AP3B2: variants seen among roughly 807,000 people sequenced by gnomAD.
AP3B2 encodes the protein adaptor related protein complex 3 subunit beta 2, also known as AP-3 complex subunit beta-2.
Under a neutral mutation model 126.9 loss-of-function variants are expected in AP3B2, and 50 were observed. The ratio of observed to expected loss-of-function variants is 0.39; its 90% CI spans 0.31 to 0.50. The LOEUF (loss-of-function observed/expected upper bound fraction) is 0.50. Ranked by LOEUF, AP3B2 falls within the 20% of genes least tolerant of loss-of-function variation. The probability of loss-of-function intolerance (pLI) is 0.79; values close to 1 mark genes in which losing one functional copy is unlikely to be tolerated. For synonymous variants in AP3B2, 541 were observed against 565.0 expected (o/e 0.96, Z 0.60); for missense variants, 1,177 against 1,426.4 (o/e 0.83, Z 2.82).
intron 23 of AP3B2, chr15:82,662,489 T>G (rs2151427383): frequency 1.5e-6 from 1 of 663,602 alleles, no homozygotes; most frequent in East Asian, 2.7e-5. Flanking sequence ...GGCCCAAATC[T>G]GCTGCTGCAA....
chr15:82,667,936 C>G (rs576333031), intron 14 of AP3B2, among the ~76,000 whole-genome samples: 1 of 152,220 alleles, frequency 6.6e-6, no homozygotes, highest in African/African-American at 2.4e-5. Flanking sequence ...TGACCAAGAT[C>G]AAAACCACCA....
At chr15:82,675,603 C>G (rs1172218044) in intron 14 of AP3B2, among the ~76,000 whole-genome samples, 3 of 152,206 alleles carry the variant, frequency 2.0e-5, no homozygotes, top group Non-Finnish European at 4.4e-5. Context: ...CAGAGAATAA[C>G]TATTCTAGGC....
intron 4 of AP3B2, chr15:82,688,128 A>C: frequency 6.6e-6 from 2 of 301,042 alleles, no homozygotes. Context: ...AAATAAAGGT[A>C]TGCAAAAATA....
chr15:82,688,994 C>T, intron 3 of AP3B2, 163 bp from the exon 4 acceptor site: 1 of 1,010,400 alleles, frequency 9.9e-7, no homozygotes, highest in Non-Finnish European at 1.5e-6. Context: ...TTACCTTGAT[C>T]CACATCCAGT....
At chr15:82,675,402 C>T (rs1403634595) in intron 14 of AP3B2, among the ~76,000 whole-genome samples, 3 of 152,214 alleles carry the variant, frequency 2.0e-5, no homozygotes, top group Non-Finnish European at 4.4e-5. Flanking sequence ...CTCTGGGGCT[C>T]ACTCTGGCCA....
chr15:82,691,751 T>G (rs2048537708), intron 1 of AP3B2: 1 of 1,583,794 alleles, frequency 6.3e-7, no homozygotes, highest in Non-Finnish European at 8.6e-7. Context: ...AGAGAAGTGG[T>G]GTGGGGAACC....
intron 4 of AP3B2, among the ~76,000 whole-genome samples, chr15:82,682,571 C>G (rs992347899): frequency 1.3e-5 from 2 of 151,882 alleles, no homozygotes; most frequent in African/African-American, 4.8e-5. Flanking sequence ...TTTTTGTTTC[C>G]TGGTGCATAC....
At chr15:82,691,852 G>T in intron 1 of AP3B2, 1 of 1,316,684 alleles carries the variant, frequency 7.6e-7, no homozygotes, top group Non-Finnish European at 1.1e-6. Context: ...AAACTCAGAT[G>T]TAGGAAGTTT....
rs1555465021 is a variant in AP3B2 at position 82,665,433 on chromosome 15, A to ACACACACACACACT, written c.1971+23_1971+24insAGTGTGTGTGTGTG. 1 of 1,435,442 alleles carries ACACACACACACACT rather than the reference A, an allele frequency of 7.0e-7. No homozygotes were observed. The highest frequency in any genetic ancestry group is 1.6e-5 in the African/African-American group (1 of 60,890). 88.9% of individuals were successfully genotyped at this position (1,435,442 alleles called of 1,614,324 possible). A position where few individuals can be genotyped will look rare whatever the true frequency, so the allele number is the denominator to read the frequency against. On this transcript the variant is annotated intron_variant, in intron 16 of 26. Coordinates refer to ENST00000535359, the MANE Select transcript of AP3B2 (RefSeq NM_001278512.2). The surrounding 1 kb of genome is among the most constrained non-coding windows in gnomAD (Gnocchi z 4.4). ...CACACACACACACACACACACACAC[A>ACACACACACACACT]CTTCAACCCTCCACCCCGCTGACCT...
chr15:82,680,173 AC>A lies in AP3B2; in HGVS notation c.1110+1del. 1 of 1,613,178 alleles carries A rather than the reference AC, an allele frequency of 6.2e-7. No homozygotes were observed. The highest frequency in any genetic ancestry group is 8.5e-7 in the Non-Finnish European group (1 of 1,179,760). ...GAGGACAGCCCGCCGTCGCAGGCTCACCCGGCGCTTGATGGACATGGTGGCC... is the reference window on the plus strand; with the variant it reads ...GAGGACAGCCCGCCGTCGCAGGCTCACCGGCGCTTGATGGACATGGTGGCC... On this transcript the variant is annotated splice_donor_variant, in intron 9 of 26. Transcript: ENST00000535359. LOFTEE classifies it high-confidence loss of function. The surrounding 1 kb of genome is among the most constrained non-coding windows in gnomAD (Gnocchi z 6.1).
intron 4 of AP3B2, chr15:82,686,195 G>A (rs1289823642): frequency 6.6e-6 from 1 of 152,174 alleles, no homozygotes; most frequent in Non-Finnish European, 1.5e-5. Flanking sequence ...GGTTTCATAG[G>A]GGGTTCAAGG....
chr15:82,696,435 G>A (rs985534761), intron 1 of AP3B2, among the ~76,000 whole-genome samples: 2 of 151,974 alleles, frequency 1.3e-5, no homozygotes, highest in African/African-American at 2.4e-5. Flanking sequence ...AAAATTAGCC[G>A]GGCATGGTGG....
rs2048004843 is a variant in AP3B2, at chr15:82,663,938, T to G, written c.2299A>C (p.Lys767Gln). The change falls in exon 20 of 27, where the codon AAG becomes CAG. Residue 767 changes from lysine (K) to glutamine (Q), a missense_variant. By Grantham distance (53) the Lys-to-Gln change is moderately conservative. Around this residue, in one of 5 missense-constraint regions of AP3B2, gnomAD observed 587 missense variants for 571.3 expected, o/e 1.03. Coordinates refer to ENST00000535359, the MANE Select transcript of AP3B2 (RefSeq NM_001278512.2). ...TCTCCTTTTCTCTCTGGCACCTTCT[T>G]CTTTGTCTTCCTCTTACCATCCTCC... is the stretch of plus-strand genomic sequence containing the variant. The part of the protein sequence containing the change: ...SEEDGKRKTK[K>Q]KVPERKGEAS... The G allele has an allele frequency of 6.2e-7, 1 of 1,608,762 alleles. No individual in the cohort carries two copies. Among genetic ancestry groups the G allele is most frequent in the Non-Finnish European group, 8.5e-7 (1 of 1,179,818 alleles).
Position 82,680,411 on chromosome 15 carries a change from G to A in AP3B2, c.1055+61C>T. ...CTGGTGGGCGTGAGGGGGCGGAGCC[G>A]GGCAGCCCGTGGGGCGGGGCAGGAG... is the stretch of plus-strand genomic sequence containing the variant. On this transcript the variant is annotated intron_variant, in intron 8 of 26. Transcript: ENST00000535359. This position sits in a 1 kb window ranked among gnomAD's most constrained non-coding sequence, Gnocchi z 6.1. The A allele has an allele frequency of 6.9e-7, 1 of 1,446,314 alleles. No homozygotes were observed. Among genetic ancestry groups the A allele is most frequent in the South Asian group, 1.4e-5 (1 of 70,926 alleles). 89.6% of individuals were successfully genotyped at this position (1,446,314 alleles called of 1,614,324 possible). A position where few individuals can be genotyped will look rare whatever the true frequency, so the allele number is the denominator to read the frequency against.
At chr15:82,690,413 G>A (rs1039381397) in intron 1 of AP3B2, among the ~76,000 whole-genome samples, 1 of 150,174 alleles carries the variant, frequency 6.7e-6, no homozygotes, top group Non-Finnish European at 1.5e-5. Flanking sequence ...CTCCCCCAAC[G>A]CCACAACAGG....
intron 4 of AP3B2, among the ~76,000 whole-genome samples, chr15:82,684,001 A>G (rs72753916): frequency 0.21 from 31,345 of 152,200 alleles, 3,419 homozygotes; most frequent in African/African-American, 0.23. Flanking sequence ...ATGTGCTGTC[A>G]TGGCACTGTT....
At chr15:82,672,861 A>G (rs2048180657) in intron 14 of AP3B2, among the ~76,000 whole-genome samples, 2 of 152,262 alleles carry the variant, frequency 1.3e-5, no homozygotes, top group South Asian at 2.1e-4. Flanking sequence ...CCCTATGGCA[A>G]TGAGCTAAGG....
rs549163579 is a variant in AP3B2, at chr15:82,659,399, AT to A, written c.*160del. Reference sequence around the variant, plus strand: ...TCACTAAGGAATCCATGGGGAGGGCATTAGGGGAGGGCTTGGTCCTCCAGAG... The same window carrying A: ...TCACTAAGGAATCCATGGGGAGGGCATAGGGGAGGGCTTGGTCCTCCAGAG... On this transcript the variant is annotated 3_prime_UTR_variant, in exon 27 of 27. Coordinates refer to ENST00000535359, the MANE Select transcript of AP3B2 (RefSeq NM_001278512.2). 1.7e-4 allele frequency: 146 copies of A among 836,102 alleles called. No homozygotes were observed. The African/African-American group carries it at 2.1e-3, about 12-fold the overall frequency. 51.8% of individuals were successfully genotyped at this position (836,102 alleles called of 1,614,324 possible).
At chr15:82,674,194 A>G (rs1445968767) in intron 14 of AP3B2, among the ~76,000 whole-genome samples, 2 of 152,124 alleles carry the variant, frequency 1.3e-5, no homozygotes, top group African/African-American at 4.8e-5. Flanking sequence ...GTGGCCTTTT[A>G]GCTGGGCAGA....
Sources: gnomAD v4.1 joint callset for allele counts (sites outside exome capture counted in the v4.1 genomes callset) on GRCh38, gnomAD v4.1.1 for gene constraint, gnomAD v4.1.1 regional missense constraint, Gnocchi (gnomAD v3.1) non-coding constraint, MANE v1.5 for transcripts, NCBI Gene and HGNC (gene_info 2026-07-23, HGNC 2026-07-21) for gene names.